The following GRIP1 variants were observed in gnomAD, a reference collection of about 807,000 sequenced individuals.
The protein encoded by GRIP1 is glutamate receptor interacting protein 1, also known as glutamate receptor-interacting protein 1.
GRIP1 carries 45 observed loss-of-function variants against 129.9 expected under a neutral mutation model. The observed-to-expected ratio is 0.35, with a 90% CI of 0.27 to 0.44. The LOEUF (loss-of-function observed/expected upper bound fraction) is 0.44. Among genes scored for constraint, GRIP1 ranks in the 20% least tolerant of loss-of-function variants. GRIP1 has a pLI of 1.00. For missense variants in GRIP1, 1,196 were observed against 1,396.8 expected (o/e 0.86, Z 2.29); for synonymous variants, 530 against 520.8 (o/e 1.02, Z -0.24).
intron 7 of GRIP1, among the ~76,000 whole-genome samples, chr12:66,500,056 T>C (rs560306277): frequency 2.4e-4 from 37 of 152,174 alleles, no homozygotes; most frequent in Non-Finnish European, 4.4e-4. Flanking sequence ...AAGGCTGTAA[T>C]AGCAGAGTAA....
At chr12:66,943,336 C>T (rs1025626336) in intron 1 of GRIP1, among the ~76,000 whole-genome samples, 4 of 152,130 alleles carry the variant, frequency 2.6e-5, no homozygotes, top group Non-Finnish European at 5.9e-5. Context: ...CAAATGCCCA[C>T]TTGGGATGAG....
chr12:66,696,931 G>A (rs992012748), intron 1 of GRIP1, among the ~76,000 whole-genome samples: 5 of 151,488 alleles, frequency 3.3e-5, no homozygotes, highest in African/African-American at 1.2e-4. Flanking sequence ...TTGAATAAAT[G>A]ACTGAATGTT....
chr12:66,803,066 T>G (rs1462915067), intron 1 of GRIP1, among the ~76,000 whole-genome samples: 6 of 152,234 alleles, frequency 3.9e-5, no homozygotes, highest in Non-Finnish European at 8.8e-5. Context: ...TTAGAAGGAA[T>G]TCTCATGGCT....
chr12:66,452,908 G>C (rs913265063), intron 11 of GRIP1, among the ~76,000 whole-genome samples: 1 of 152,016 alleles, frequency 6.6e-6, no homozygotes, highest in African/African-American at 2.4e-5. Context: ...AGGTCTTTTT[G>C]AAGTGTGAAT....
At chr12:66,761,823 G>A (rs914586529) in intron 1 of GRIP1, among the ~76,000 whole-genome samples, 3 of 152,156 alleles carry the variant, frequency 2.0e-5, no homozygotes, top group Admixed American at 2.0e-4. Flanking sequence ...AAGTCTCTGT[G>A]TTTCATTAAG....
intron 1 of GRIP1, among the ~76,000 whole-genome samples, chr12:66,619,255 T>A (rs2065168367): frequency 6.6e-6 from 1 of 152,116 alleles, no homozygotes; most frequent in South Asian, 2.1e-4. Context: ...ATTTCTCTTT[T>A]AAAACAGAGT....
chr12:66,370,883 T>C (rs969532346), intron 23 of GRIP1, among the ~76,000 whole-genome samples: 1 of 152,120 alleles, frequency 6.6e-6, no homozygotes, highest in African/African-American at 2.4e-5. Flanking sequence ...AGACAGAACA[T>C]AGCCAGGGCT....
chr12:66,746,662 C>T (rs2036956994), intron 1 of GRIP1, among the ~76,000 whole-genome samples: 1 of 152,162 alleles, frequency 6.6e-6, no homozygotes, highest in African/African-American at 2.4e-5. Flanking sequence ...GCATTACCCA[C>T]AGGGTAGCTA....
intron 2 of GRIP1, among the ~76,000 whole-genome samples, chr12:66,561,559 C>G (rs1377131280): frequency 1.3e-5 from 2 of 151,614 alleles, no homozygotes; most frequent in Non-Finnish European, 2.9e-5. Context: ...TTTAGAAAAA[C>G]AAAGGGTTAA....
At chr12:66,380,199 C>T (rs990539093) in intron 19 of GRIP1, among the ~76,000 whole-genome samples, 6 of 152,122 alleles carry the variant, frequency 3.9e-5, no homozygotes, top group East Asian at 1.9e-4. Context: ...TGTGAGCCAT[C>T]GTGCCGGCCC....
chr12:67,020,873 G>A (rs2042856503), intron 1 of GRIP1, among the ~76,000 whole-genome samples: 1 of 152,034 alleles, frequency 6.6e-6, no homozygotes, highest in Admixed American at 6.6e-5. Context: ...ACCAAGGTGG[G>A]AGGATCACTT....
chr12:66,783,509 C>T (rs1265390625), intron 1 of GRIP1, among the ~76,000 whole-genome samples: 3 of 152,126 alleles, frequency 2.0e-5, no homozygotes, highest in Non-Finnish European at 4.4e-5. Flanking sequence ...GGTGGCTGTG[C>T]TTAAAGGTCT....
intron 5 of GRIP1, among the ~76,000 whole-genome samples, chr12:66,529,222 A>C (rs921958618): frequency 9.2e-5 from 14 of 152,336 alleles, no homozygotes; most frequent in Non-Finnish European, 2.9e-5. Context: ...CACTATAGAA[A>C]ACAGTGTGGG....
intron 1 of GRIP1, among the ~76,000 whole-genome samples, chr12:67,033,751 T>C (rs927983389): frequency 1.3e-5 from 2 of 152,176 alleles, no homozygotes; most frequent in Admixed American, 6.5e-5. Context: ...TCCTGAACCA[T>C]TGGTTGTCTC....
intron 1 of GRIP1, among the ~76,000 whole-genome samples, chr12:66,843,985 T>A (rs963561551): frequency 2.0e-5 from 3 of 152,106 alleles, no homozygotes; most frequent in African/African-American, 7.2e-5. Flanking sequence ...CTTCCATGCA[T>A]GAAATAACAC....
chr12:66,702,306 T>A (rs2035376607), intron 1 of GRIP1, among the ~76,000 whole-genome samples: 1 of 152,190 alleles, frequency 6.6e-6, no homozygotes, highest in African/African-American at 2.4e-5. Flanking sequence ...TCTTTCACTG[T>A]GATGCAATGA....
At chr12:66,898,065 T>G (rs566298305) in intron 1 of GRIP1, among the ~76,000 whole-genome samples, 1 of 152,304 alleles carries the variant, frequency 6.6e-6, no homozygotes, top group South Asian at 2.1e-4. Context: ...ATCACCTAAA[T>G]GCGTGTCCAA....
At chr12:66,620,904 A>G (rs957720487) in intron 1 of GRIP1, among the ~76,000 whole-genome samples, 18 of 152,224 alleles carry the variant, frequency 1.2e-4, no homozygotes, top group African/African-American at 3.8e-4. Flanking sequence ...AGGCTGCAGC[A>G]TGATGATTCA....
intron 1 of GRIP1, among the ~76,000 whole-genome samples, chr12:66,824,958 C>T (rs557188556): frequency 6.6e-5 from 10 of 151,808 alleles, no homozygotes; most frequent in African/African-American, 2.4e-4. Flanking sequence ...CTTTTTTTTC[C>T]CCAAAGCCCT....
Sources: allele counts gnomAD v4.1 joint callset (sites outside exome capture counted in the v4.1 genomes callset), GRCh38; gene constraint gnomAD v4.1.1; transcripts MANE v1.5; gene names NCBI Gene and HGNC (gene_info 2026-07-23, HGNC 2026-07-21).